The following SYK variants were observed in gnomAD, a reference collection of about 807,000 sequenced individuals.
SYK encodes the protein tyrosine-protein kinase SYK.
A neutral mutation model predicts 77.8 loss-of-function variants in SYK; 16 were observed. The ratio of observed to expected loss-of-function variants is 0.21; its 90% CI spans 0.14 to 0.31. The LOEUF (loss-of-function observed/expected upper bound fraction) is 0.31, where lower values mean the gene tolerates loss of function less well. SYK is among the 10% of genes least tolerant of loss of function. The probability of loss-of-function intolerance (pLI) is 1.00; values close to 1 mark genes in which losing one functional copy is unlikely to be tolerated. For missense variants in SYK, 529 were observed against 814.4 expected, an observed-to-expected ratio of 0.65 and a Z score of 4.26; for synonymous variants, 312 against 308.7, an observed-to-expected ratio of 1.01 and a Z score of -0.11.
chr9:90,887,760 T>C lies in SYK; in HGVS notation c.1593T>C (p.His531=), dbSNP rs200628553. The stretch of plus-strand genomic sequence containing the variant: ...TGCTTTGCTTTTAGGCCCAGACCCA[T>C]GGAAAGTGGCCTGTCAAGTGGTACG... ...ADENYYKAQT[H]GKWPVKWYAP... is the part of the protein sequence containing the mutation. The change falls in exon 12 of 14, where the codon CAT becomes CAC. Residue 531 remains histidine, a synonymous_variant. Coordinates refer to ENST00000375754, the MANE Select transcript of SYK (RefSeq NM_003177.7). 10 of 1,611,098 alleles carry C rather than the reference T, an allele frequency of 6.2e-6. No homozygotes were observed. Among genetic ancestry groups the C allele is most frequent in the South Asian group, 1.1e-5 (1 of 90,668 alleles).
At chr9:90,854,970 C>T (rs1826964125) in intron 3 of SYK, among the ~76,000 whole-genome samples, 1 of 149,962 alleles carries the variant, frequency 6.7e-6, no homozygotes, top group Non-Finnish European at 1.5e-5. Flanking sequence ...CACTTCTTCC[C>T]CCTACAGCCC....
chr9:90,876,329 T>C (rs1316152407), intron 9 of SYK, among the ~76,000 whole-genome samples: 1 of 151,814 alleles, frequency 6.6e-6, no homozygotes, highest in East Asian at 1.9e-4. Flanking sequence ...AAAGAAATGC[T>C]TGCTTTCCAA....
chr9:90,861,821 G>T (rs1827276615), intron 3 of SYK, among the ~76,000 whole-genome samples: 1 of 152,198 alleles, frequency 6.6e-6, no homozygotes, highest in Non-Finnish European at 1.5e-5. Flanking sequence ...AGTCCACAGT[G>T]CTCCACAGAT....
intron 1 of SYK, among the ~76,000 whole-genome samples, chr9:90,840,552 T>C (rs1271482530): frequency 2.0e-5 from 2 of 102,512 alleles, no homozygotes; most frequent in Non-Finnish European, 3.9e-5. Context: ...CCCCGTCTCT[T>C]CTAAAAAAAA....
chr9:90,881,554 C>T (rs891248677), intron 11 of SYK, among the ~76,000 whole-genome samples: 3 of 151,850 alleles, frequency 2.0e-5, no homozygotes, highest in Non-Finnish European at 4.4e-5. Context: ...GTGGCAGGCA[C>T]CTGTAATCCC....
intron 1 of SYK, among the ~76,000 whole-genome samples, chr9:90,837,746 C>T (rs901523594): frequency 1.1e-4 from 17 of 152,130 alleles, no homozygotes. Flanking sequence ...CGAGGGCAGC[C>T]TCAGGAGCTA....
chr9:90,837,762 A>C lies in SYK; in HGVS notation c.-41-6096A>C, dbSNP rs140724921. Among the ~76,000 whole-genome samples the C allele has an allele frequency of 2.4e-4, 36 of 152,286 alleles. No individual in the cohort carries two copies. The East Asian group carries it at 6.6e-3, about 28-fold the overall frequency. ...GAGGGCAGCCTCAGGAGCTATGGGG[A>C]GACATGATGGCTTGGGAATATATTT... On this transcript the variant is annotated intron_variant, in intron 1 of 13. Coordinates refer to ENST00000375754, the MANE Select transcript of SYK (RefSeq NM_003177.7).
In SYK at chr9:90,888,551, A is replaced by G. The variant is rs1162520095; in HGVS notation, c.1759A>G (p.Lys587Glu). The G allele has an allele frequency of 6.2e-7, 1 of 1,613,104 alleles. No individual in the cohort carries two copies. Among genetic ancestry groups the G allele is most frequent in the South Asian group, 1.1e-5 (1 of 90,734 alleles). The change falls in exon 13 of 14, where the codon AAA becomes GAA. Residue 587 changes from lysine to glutamate, a missense_variant. By Grantham distance (56) the Lys-to-Glu change is moderately conservative. This residue lies in a region of SYK where 208 missense variants were observed against 381.3 expected (regional missense o/e 0.55). Coordinates refer to ENST00000375754, the MANE Select transcript of SYK (RefSeq NM_003177.7). ...AAGTGAAGTCACCGCTATGTTAGAG[A>G]AAGGAGAGCGGATGGGGTGCCCTGC... The part of the protein sequence containing the change: ...KGSEVTAMLE[K>E]GERMGCPAGC...
At chr9:90,872,285 AGGTGAT>A (rs1176925996) in intron 7 of SYK, among the ~76,000 whole-genome samples, 1 of 152,200 alleles carries the variant, frequency 6.6e-6, no homozygotes, top group African/African-American at 2.4e-5. Context: ...TGTCAAGAAG[AGGTGAT>A]GGTCCCTCTC....
chr9:90,862,415 T>C, intron 4 of SYK, 71 bp downstream of exon 4: 9 of 1,526,792 alleles, frequency 5.9e-6, no homozygotes, highest in Non-Finnish European at 8.0e-6. Context: ...CCATGGACTC[T>C]TAGACATGAG....
At chr9:90,877,078 G>C (rs546708616) in intron 9 of SYK, among the ~76,000 whole-genome samples, 16 of 152,290 alleles carry the variant, frequency 1.1e-4, no homozygotes, top group African/African-American at 3.9e-4. Context: ...TTTAGAAACA[G>C]TGTTTCACTG....
At chr9:90,862,160 G>A in intron 3 of SYK, 46 bp from the exon 4 acceptor site, 1 of 1,563,028 alleles carries the variant, frequency 6.4e-7, no homozygotes, top group Non-Finnish European at 8.7e-7. Context: ...GTCCCACCTG[G>A]AGACTGGCGG....
chr9:90,822,645 G>A (rs1374103336), intron 1 of SYK, among the ~76,000 whole-genome samples: 3 of 152,136 alleles, frequency 2.0e-5, no homozygotes. Flanking sequence ...TCCACCAGGC[G>A]GTCCTCCTGG....
In SYK at chr9:90,836,926, T is replaced by A. The variant is rs182832130; in HGVS notation, c.-41-6932T>A. 1.1e-4 allele frequency among the ~76,000 whole-genome samples: 16 copies of A among 152,342 alleles called. No individual in the cohort carries two copies. The East Asian group carries it at 3.1e-3, about 29-fold the overall frequency. ...TAAACAGATGACAGTAAATTTATGGTATTGATAAATACAGTACAGTATTGT... is the reference window on the plus strand; with the variant it reads ...TAAACAGATGACAGTAAATTTATGGAATTGATAAATACAGTACAGTATTGT... On this transcript the variant is annotated intron_variant, in intron 1 of 13. Coordinates refer to ENST00000375754, the MANE Select transcript of SYK (RefSeq NM_003177.7).
chr9:90,858,611 G>A (rs963071685), intron 3 of SYK, among the ~76,000 whole-genome samples: 1 of 152,224 alleles, frequency 6.6e-6, no homozygotes, highest in Non-Finnish European at 1.5e-5. Flanking sequence ...AAAGCTCTCA[G>A]TAAGAGGACA....
At position 90,834,045 on chromosome 9, in the gene SYK, T is replaced by C. The variant is rs940762207; in HGVS notation, c.-41-9813T>C. Among the ~76,000 whole-genome samples the C allele has an allele frequency of 2.0e-5, 3 of 152,176 alleles. 1 individual carries two copies. The highest frequency in any genetic ancestry group is 2.0e-4 in the Admixed American group (3 of 15,278). ...GTTCTAGATTTAACTCCTCATGGTG[T>C]ATCACGTGCAAGGTGAAGCCTGACT... On this transcript the variant is annotated intron_variant, in intron 1 of 13. Transcript: ENST00000375754.
intron 1 of SYK, among the ~76,000 whole-genome samples, chr9:90,818,452 G>A (rs950462743): frequency 1.1e-4 from 17 of 152,308 alleles, no homozygotes; most frequent in Non-Finnish European, 2.4e-4. Flanking sequence ...GTTATGGGGC[G>A]CCTCCCACGT....
chr9:90,840,460 C>G (rs1170139163), intron 1 of SYK, among the ~76,000 whole-genome samples: 1 of 150,882 alleles, frequency 6.6e-6, no homozygotes, highest in Non-Finnish European at 1.5e-5. Flanking sequence ...TTGTAGAATG[C>G]AGGCGTGAGC....
chr9:90,850,929 A>T (rs10993715), intron 3 of SYK, among the ~76,000 whole-genome samples: 114 of 152,284 alleles, frequency 7.5e-4, no homozygotes, highest in African/African-American at 2.4e-3. Context: ...CAAAATGCAG[A>T]TGATGGAAGC....
Sources: gnomAD v4.1 joint callset for allele counts (sites outside exome capture counted in the v4.1 genomes callset) on GRCh38, gnomAD v4.1.1 for gene constraint, gnomAD v4.1.1 regional missense constraint, MANE v1.5 for transcripts, NCBI Gene and HGNC (gene_info 2026-07-23, HGNC 2026-07-21) for gene names.